STPG2: variants seen among roughly 807,000 people sequenced by gnomAD.
STPG2 encodes sperm tail PG-rich repeat containing 2, also known as sperm-tail PG-rich repeat-containing protein 2.
In STPG2, 56 loss-of-function variants were observed where a neutral mutation model predicts 54.2. That is an observed-to-expected ratio of 1.03 (90% CI 0.83 to 1.29). The LOEUF (loss-of-function observed/expected upper bound fraction) is 1.29, where lower values mean the gene tolerates loss of function less well. Ranked by LOEUF, STPG2 falls within the 50% of genes most tolerant of loss-of-function variation. STPG2 has a pLI of 0.00. For synonymous variants in STPG2, 200 were observed against 181.8 expected (o/e 1.10, Z -0.81); for missense variants, 596 against 544.9 (o/e 1.09, Z -0.93).
At chr4:97,906,509 C>T (rs560856253) in intron 8 of STPG2, among the ~76,000 whole-genome samples, 1 of 152,228 alleles carries the variant, frequency 6.6e-6, no homozygotes, top group Non-Finnish European at 1.5e-5. Context: ...CTCCCTAACT[C>T]ATTTTATCAG....
intron 7 of STPG2, among the ~76,000 whole-genome samples, chr4:97,946,083 G>A (rs1487259113): frequency 6.6e-6 from 1 of 151,948 alleles, no homozygotes; most frequent in Non-Finnish European, 1.5e-5. Flanking sequence ...AGAAATAAAG[G>A]CCATTCTTGC....
At chr4:97,879,370 CG>C (rs1197183817) in intron 8 of STPG2, among the ~76,000 whole-genome samples, 1 of 152,044 alleles carries the variant, frequency 6.6e-6, no homozygotes, top group Non-Finnish European at 1.5e-5. Flanking sequence ...TACCTGAGAC[CG>C]GGTAATTTAT....
intron 10 of STPG2, among the ~76,000 whole-genome samples, chr4:97,672,304 G>T (rs1722724726): frequency 6.6e-6 from 1 of 150,560 alleles, no homozygotes; most frequent in Non-Finnish European, 1.5e-5. Flanking sequence ...CTCCTGAGTA[G>T]CTAGGATTAC....
intron 10 of STPG2, among the ~76,000 whole-genome samples, chr4:97,601,973 A>T (rs1203945640): frequency 2.0e-5 from 3 of 148,138 alleles, no homozygotes; most frequent in Non-Finnish European, 4.4e-5. Flanking sequence ...CTTTTGTTAG[A>T]TTTATTTCTA....
chr4:97,706,147 A>C (rs1461725247), intron 10 of STPG2, among the ~76,000 whole-genome samples: 1 of 152,130 alleles, frequency 6.6e-6, no homozygotes, highest in Non-Finnish European at 1.5e-5. Flanking sequence ...CTCTTTTTCT[A>C]ACATATATAA....
At chr4:97,634,513 A>G (rs1721433282) in intron 10 of STPG2, among the ~76,000 whole-genome samples, 1 of 152,180 alleles carries the variant, frequency 6.6e-6, no homozygotes, top group Non-Finnish European at 1.5e-5. Context: ...GAGCTGAGAG[A>G]AGAAGGCTTC....
At chr4:97,760,299 C>G (rs943129143) in intron 9 of STPG2, among the ~76,000 whole-genome samples, 3 of 152,248 alleles carry the variant, frequency 2.0e-5, no homozygotes, top group African/African-American at 7.2e-5. Context: ...ATACCCTTCC[C>G]AGAATCTAGC....
At chr4:98,018,281 C>T (rs13150343) in intron 5 of STPG2, among the ~76,000 whole-genome samples, 47,440 of 151,276 alleles carry the variant, frequency 0.31, 7,538 homozygotes, top group Middle Eastern at 0.35. Flanking sequence ...GGTTTTTTGT[C>T]CTTGTGATAG....
intron 4 of STPG2, among the ~76,000 whole-genome samples, chr4:97,521,462 C>T (rs1331117957): frequency 6.6e-6 from 1 of 151,968 alleles, no homozygotes; most frequent in Admixed American, 6.6e-5. Context: ...CAGCGCACCA[C>T]TGTAGATCAT....
In STPG2 at chr4:97,929,707, C is replaced by T. The variant is rs987969670; in HGVS notation, c.1044+14190G>A. Among the ~76,000 whole-genome samples, 6 of 152,088 alleles carry T rather than the reference C, an allele frequency of 3.9e-5. No individual in the cohort carries two copies. The South Asian group carries it at 6.2e-4, about 16-fold the overall frequency. ...TAAGTGTCTGTTCATGTCCTTTGCCCACTTTTTAATGGGGTTTTGTTTTAC... is the reference window on the plus strand; with the variant it reads ...TAAGTGTCTGTTCATGTCCTTTGCCTACTTTTTAATGGGGTTTTGTTTTAC... On this transcript the variant is annotated intron_variant, in intron 8 of 10. Transcript: ENST00000295268.
intron 4 of STPG2, among the ~76,000 whole-genome samples, chr4:97,518,357 T>C (rs951750557): frequency 1.3e-5 from 2 of 151,956 alleles, no homozygotes; most frequent in African/African-American, 2.4e-5. Context: ...AAACAAACCA[T>C]GAATAAAAGA....
chr4:97,567,245 C>A (rs1732477757), intron 10 of STPG2, among the ~76,000 whole-genome samples: 1 of 150,640 alleles, frequency 6.6e-6, no homozygotes, highest in Admixed American at 6.6e-5. Flanking sequence ...TACATATCTG[C>A]TAAATTAAAA....
At chr4:97,589,330 T>G (rs1198692143) in intron 10 of STPG2, among the ~76,000 whole-genome samples, 1 of 152,108 alleles carries the variant, frequency 6.6e-6, no homozygotes, top group Non-Finnish European at 1.5e-5. Context: ...AAAGCCATTA[T>G]ATAGTAGGGA....
chr4:98,023,801 G>T (rs1391366495), intron 5 of STPG2, among the ~76,000 whole-genome samples: 1 of 152,198 alleles, frequency 6.6e-6, no homozygotes, highest in Admixed American at 6.5e-5. Context: ...CTAGCAATCA[G>T]TGAGACTCCA....
chr4:97,953,281 G>A (rs1733543086), intron 7 of STPG2, among the ~76,000 whole-genome samples: 1 of 152,152 alleles, frequency 6.6e-6, no homozygotes, highest in Non-Finnish European at 1.5e-5. Flanking sequence ...GCAGGTGGCA[G>A]TAAACCCCGT....
intron 4 of STPG2, among the ~76,000 whole-genome samples, chr4:97,462,997 TAA>T (rs1057417853): frequency 7.9e-5 from 12 of 152,190 alleles, no homozygotes; most frequent in Admixed American, 1.3e-4. Flanking sequence ...ATTCATTTGT[TAA>T]GTCATTTACA....
chr4:97,973,228 CTTG>C (rs1234029046), intron 6 of STPG2, among the ~76,000 whole-genome samples: 1 of 152,158 alleles, frequency 6.6e-6, no homozygotes, highest in East Asian at 1.9e-4. Flanking sequence ...AGATGAGGAA[CTTG>C]TTGGGAACTG....
chr4:97,662,920 C>T (rs993089979), intron 10 of STPG2, among the ~76,000 whole-genome samples: 3 of 151,946 alleles, frequency 2.0e-5, no homozygotes, highest in Non-Finnish European at 4.4e-5. Flanking sequence ...TGCACATGTA[C>T]CCCGAATATA....
At chr4:97,980,231 C>T (rs1734629138) in intron 6 of STPG2, among the ~76,000 whole-genome samples, 1 of 152,066 alleles carries the variant, frequency 6.6e-6, no homozygotes, top group Non-Finnish European at 1.5e-5. Context: ...GAAATTATGA[C>T]ATAATTACAT....
Sources: gnomAD v4.1 joint callset for allele counts (sites outside exome capture counted in the v4.1 genomes callset) on GRCh38, gnomAD v4.1.1 for gene constraint, MANE v1.5 for transcripts, NCBI Gene and HGNC (gene_info 2026-07-23, HGNC 2026-07-21) for gene names.